Variants in ASZ1 observed in about 807,000 individuals in gnomAD.
The protein encoded by ASZ1 is ankyrin repeat, SAM and basic leucine zipper domain-containing protein 1.
In ASZ1, 67 loss-of-function variants were observed where a neutral mutation model predicts 61.8. The ratio of observed to expected loss-of-function variants is 1.08; its 90% CI spans 0.89 to 1.33. The LOEUF is 1.33. ASZ1 is among the 40% of genes most tolerant of loss of function. ASZ1 has a pLI of 0.00. For missense variants in ASZ1, 577 were observed against 554.5 expected (o/e 1.04, Z -0.41); for synonymous variants, 193 against 192.7 (o/e 1.00, Z -0.01).
chr7:117,416,206 T>TA (rs1442756270), intron 4 of ASZ1, among the ~76,000 whole-genome samples: 2 of 151,866 alleles, frequency 1.3e-5, no homozygotes, highest in Non-Finnish European at 2.9e-5. Flanking sequence ...AATAAATAAA[T>TA]AATAAAATAA....
intron 4 of ASZ1, among the ~76,000 whole-genome samples, chr7:117,394,106 C>G (rs567106342): frequency 6.6e-6 from 1 of 152,064 alleles, no homozygotes; most frequent in Admixed American, 6.6e-5. Context: ...CTCCCCCACC[C>G]TGGCCCCCCT....
chr7:117,402,693 A>G (rs1432993675), intron 4 of ASZ1, among the ~76,000 whole-genome samples: 1 of 152,196 alleles, frequency 6.6e-6, no homozygotes, highest in East Asian at 1.9e-4. Context: ...GGGGAATAAA[A>G]GGACTAATAC....
At chr7:117,372,623 A>C (rs1024698923) in intron 10 of ASZ1, among the ~76,000 whole-genome samples, 1 of 152,236 alleles carries the variant, frequency 6.6e-6, no homozygotes, top group Non-Finnish European at 1.5e-5. Flanking sequence ...GTCAAGTACT[A>C]AGATAAAATT....
intron 10 of ASZ1, among the ~76,000 whole-genome samples, chr7:117,377,740 G>C (rs572855946): frequency 2.0e-5 from 3 of 152,152 alleles, no homozygotes; most frequent in African/African-American, 7.2e-5. Flanking sequence ...GAAGAGCCAA[G>C]ATGATTTTGA....
Position 117,368,720 on chromosome 7 carries a change from A to T in ASZ1, c.1056-3T>A, listed in dbSNP as rs749458053. ...GAAAGTTGAGGAACTCATCACCACT[A>T]AAGAAAGGAAACAAACAAACAAGCA... On this transcript the variant is annotated splice_region_variant and splice_polypyrimidine_tract_variant and intron_variant, in intron 10 of 12. Coordinates refer to ENST00000284629, the MANE Select transcript of ASZ1 (RefSeq NM_130768.3). The T allele has an allele frequency of 1.2e-6, 2 of 1,610,388 alleles. No individual in the cohort carries two copies. The highest frequency in any genetic ancestry group is 1.7e-6 in the Non-Finnish European group (2 of 1,178,894).
intron 10 of ASZ1, among the ~76,000 whole-genome samples, chr7:117,369,941 G>C (rs1796017748): frequency 6.6e-6 from 1 of 152,122 alleles, no homozygotes; most frequent in Non-Finnish European, 1.5e-5. Context: ...CTCTAGAATG[G>C]AGACAGTAGG....
chr7:117,398,025 G>A (rs1473412274), intron 4 of ASZ1, among the ~76,000 whole-genome samples: 1 of 152,242 alleles, frequency 6.6e-6, no homozygotes, highest in Non-Finnish European at 1.5e-5. Flanking sequence ...CTTGTGAGCA[G>A]GGCCCCTGAA....
intron 7 of ASZ1, among the ~76,000 whole-genome samples, chr7:117,382,372 T>A (rs555612744): frequency 1.3e-5 from 2 of 152,096 alleles, no homozygotes; most frequent in Non-Finnish European, 2.9e-5. Context: ...TATGCCAGTA[T>A]GTACTCCTTG....
rs923212647 is a variant in ASZ1, at chr7:117,371,476, T to G, written c.1056-2759A>C. 2.6e-5 allele frequency among the ~76,000 whole-genome samples: 4 copies of G among 152,164 alleles called. No individual in the cohort carries two copies. The South Asian group carries it at 6.2e-4, about 24-fold the overall frequency. On this transcript the variant is annotated intron_variant, in intron 10 of 12. Transcript: ENST00000284629. The stretch of plus-strand genomic sequence containing the variant: ...CAAGCAAACCTAAAATTAAAAAATG[T>G]AGGAAAACTCTTGTTCTATTTAGCA...
chr7:117,407,276 T>A (rs867157511), intron 4 of ASZ1, among the ~76,000 whole-genome samples: 5 of 152,068 alleles, frequency 3.3e-5, no homozygotes, highest in Non-Finnish European at 7.4e-5. Context: ...TATAATGAAG[T>A]AAGAATTACT....
intron 5 of ASZ1, among the ~76,000 whole-genome samples, chr7:117,385,257 C>A (rs533628572): frequency 1.3e-5 from 2 of 151,362 alleles, no homozygotes; most frequent in South Asian, 4.2e-4. Context: ...ATTTCTATTT[C>A]TTTTCTTTTC....
intron 10 of ASZ1, among the ~76,000 whole-genome samples, chr7:117,377,342 A>C (rs527846005): frequency 1.3e-5 from 2 of 152,000 alleles, no homozygotes; most frequent in Non-Finnish European, 2.9e-5. Flanking sequence ...CTGTGGCAAC[A>C]AAGTGGAGAC....
intron 10 of ASZ1, among the ~76,000 whole-genome samples, chr7:117,370,846 G>C (rs1283218741): frequency 6.6e-6 from 1 of 151,288 alleles, no homozygotes; most frequent in Non-Finnish European, 1.5e-5. Context: ...GTGTGTGTGT[G>C]TGTGACAGAG....
intron 4 of ASZ1, among the ~76,000 whole-genome samples, chr7:117,399,238 C>G (rs1796632528): frequency 6.6e-6 from 1 of 151,932 alleles, no homozygotes; most frequent in South Asian, 2.1e-4. Context: ...CAAAACTGAA[C>G]GAAGCTGAAA....
At chr7:117,383,807 TTTTAAG>T (rs923200590) in intron 6 of ASZ1, among the ~76,000 whole-genome samples, 1 of 152,054 alleles carries the variant, frequency 6.6e-6, no homozygotes, top group African/African-American at 2.4e-5. Flanking sequence ...AATAAAATAA[TTTTAAG>T]TTTTTGAATT....
At chr7:117,415,892 G>T (rs1026550425) in intron 4 of ASZ1, among the ~76,000 whole-genome samples, 1 of 152,116 alleles carries the variant, frequency 6.6e-6, no homozygotes. Context: ...CAATTCAGTA[G>T]GTAAAATAAA....
At chr7:117,410,044 T>A in intron 4 of ASZ1, among the ~76,000 whole-genome samples, 1 of 151,870 alleles carries the variant, frequency 6.6e-6, no homozygotes, top group Admixed American at 6.6e-5. Flanking sequence ...TTTATGTAGA[T>A]AATTTATTTT....
At chr7:117,367,828 A>C (rs1041611952) in intron 11 of ASZ1, 139 of 988,626 alleles carry the variant, frequency 1.4e-4, no homozygotes, top group Non-Finnish European at 1.5e-4. Flanking sequence ...TCACTAAGAC[A>C]AACAGCTAAA....
At chr7:117,382,847 C>T in intron 7 of ASZ1, 139 bp downstream of exon 7, 2 of 1,002,848 alleles carry the variant, frequency 2.0e-6, no homozygotes, top group South Asian at 6.1e-5. Context: ...CTGGAGAACA[C>T]TAAAAACCCA....
Sources: allele counts gnomAD v4.1 joint callset (sites outside exome capture counted in the v4.1 genomes callset), GRCh38; gene constraint gnomAD v4.1.1; transcripts MANE v1.5; gene names NCBI Gene and HGNC (gene_info 2026-07-23, HGNC 2026-07-21).